ASTN2: variants seen among roughly 807,000 people sequenced by gnomAD.
ASTN2 encodes astrotactin-2.
In ASTN2, 54 loss-of-function variants were observed where a neutral mutation model predicts 139.8. That is an observed-to-expected ratio of 0.39 (90% confidence interval 0.31 to 0.48). The LOEUF (loss-of-function observed/expected upper bound fraction) is 0.48. Among genes scored for constraint, ASTN2 ranks in the 20% least tolerant of loss-of-function variants. ASTN2 has a pLI of 0.95. For synonymous variants in ASTN2, 756 were observed against 719.5 expected (o/e 1.05, Z -0.81); for missense variants, 1,565 against 1,725.1 (o/e 0.91, Z 1.64).
intron 10 of ASTN2, among the ~76,000 whole-genome samples, chr9:116,877,859 A>G (rs998937323): frequency 1.3e-5 from 2 of 152,236 alleles, no homozygotes; most frequent in African/African-American, 4.8e-5. Flanking sequence ...ACACATTTAC[A>G]AGAAAAGAAC....
At chr9:116,978,967 T>C in intron 7 of ASTN2, among the ~76,000 whole-genome samples, 1 of 152,258 alleles carries the variant, frequency 6.6e-6, no homozygotes, top group Middle Eastern at 3.2e-3. Flanking sequence ...ACACGGGTTC[T>C]ACAACTATCA....
At chr9:117,042,641 A>G (rs1838612876) in intron 5 of ASTN2, among the ~76,000 whole-genome samples, 2 of 151,804 alleles carry the variant, frequency 1.3e-5, no homozygotes, top group Non-Finnish European at 2.9e-5. Context: ...TAATATTTAT[A>G]AATATAAATA....
chr9:117,089,676 C>T (rs2132741216), intron 5 of ASTN2, among the ~76,000 whole-genome samples: 1 of 150,708 alleles, frequency 6.6e-6, no homozygotes, highest in East Asian at 2.0e-4. Context: ...ATCCCTCGCC[C>T]CCCTCCCACC....
rs149130859 is a variant in ASTN2 at position 116,816,763 on chromosome 9, G to A, written c.2207+3854C>T. 3.3e-5 allele frequency among the ~76,000 whole-genome samples: 5 copies of A among 152,200 alleles called. No homozygotes were observed. In the East Asian group the frequency reaches 9.7e-4, roughly 30 times the overall value. ...CCCCAGAGAAAGGATGATTTACTCT[G>A]TTTTGGAGAACGTAAACTGATGAGA... On this transcript the variant is annotated intron_variant, in intron 12 of 22. Transcript: ENST00000313400.
chr9:116,942,331 C>T lies in ASTN2; in HGVS notation c.1889+32877G>A, dbSNP rs371710297. On this transcript the variant is annotated intron_variant, in intron 10 of 22. Transcript: ENST00000313400. Reference sequence around the variant, plus strand: ...TCACCATTCTGATCTCCCAGCAAGACGTGGCCCTCTTCTCTGATCTATCTC... The same window carrying T: ...TCACCATTCTGATCTCCCAGCAAGATGTGGCCCTCTTCTCTGATCTATCTC... 7.4e-4 allele frequency among the ~76,000 whole-genome samples: 112 copies of T among 152,292 alleles called. 3 individuals carry two copies. In the South Asian group the frequency reaches 0.016, roughly 22 times the overall value.
chr9:116,452,687 T>A (rs1484106106), intron 20 of ASTN2, among the ~76,000 whole-genome samples: 1 of 152,212 alleles, frequency 6.6e-6, no homozygotes, highest in Non-Finnish European at 1.5e-5. Context: ...GATATAGTAG[T>A]AGTTTAGCCA....
chr9:117,174,178 A>G (rs188827843), intron 3 of ASTN2, among the ~76,000 whole-genome samples: 105 of 151,884 alleles, frequency 6.9e-4, no homozygotes, highest in African/African-American at 2.5e-3. Flanking sequence ...TAGATTAGAT[A>G]GACACACAAC....
chr9:116,632,074 A>G (rs1485687445), intron 17 of ASTN2, among the ~76,000 whole-genome samples: 1 of 149,304 alleles, frequency 6.7e-6, no homozygotes, highest in Non-Finnish European at 1.5e-5. Flanking sequence ...AGATTGTGCC[A>G]CTGCCCTCCA....
chr9:117,180,816 A>T, intron 3 of ASTN2: 2 of 1,541,860 alleles, frequency 1.3e-6, no homozygotes, highest in Non-Finnish European at 1.8e-6. Context: ...ATTCATCAAC[A>T]TTGAACTTGG....
intron 5 of ASTN2, among the ~76,000 whole-genome samples, chr9:117,078,007 C>G (rs773866794): frequency 1.4e-4 from 22 of 152,212 alleles, no homozygotes; most frequent in Non-Finnish European, 3.1e-4. Context: ...ATGCACCCTT[C>G]AAGTCCCAGC....
Position 116,711,782 on chromosome 9 carries a change from A to G in ASTN2, c.2806+13989T>C, listed in dbSNP as rs113402222. 4.9e-3 allele frequency among the ~76,000 whole-genome samples: 742 copies of G among 152,188 alleles called. 5 individuals are homozygous for G. The highest frequency in any genetic ancestry group is 0.017 in the African/African-American group (718 of 41,518). On this transcript the variant is annotated intron_variant, in intron 16 of 22. Coordinates refer to ENST00000313400, the MANE Select transcript of ASTN2 (RefSeq NM_001365068.1). ...AAGTTCTCATCATTCTAGCCACTTAATATTTTTCACATACATTAATTTTTT... is the reference window on the plus strand; with the variant it reads ...AAGTTCTCATCATTCTAGCCACTTAGTATTTTTCACATACATTAATTTTTT...
intron 12 of ASTN2, 49 bp downstream of exon 12, chr9:116,820,568 C>A: frequency 6.3e-7 from 1 of 1,582,460 alleles, no homozygotes; most frequent in Non-Finnish European, 8.6e-7. Context: ...TCCCATGCAT[C>A]CCTCACTTCT....
intron 20 of ASTN2, among the ~76,000 whole-genome samples, chr9:116,477,432 C>G (rs758791032): frequency 6.6e-6 from 1 of 151,946 alleles, no homozygotes; most frequent in Non-Finnish European, 1.5e-5. Context: ...ACATTCCACT[C>G]GAGTTTGGGG....
chr9:117,405,768 A>G (rs1242815560), intron 1 of ASTN2, among the ~76,000 whole-genome samples: 1 of 152,164 alleles, frequency 6.6e-6, no homozygotes, highest in African/African-American at 2.4e-5. Flanking sequence ...TGAAACTTGT[A>G]TTGTCTCTTC....
intron 6 of ASTN2, among the ~76,000 whole-genome samples, chr9:117,016,624 C>CTATCTATA (rs1415584557): frequency 5.0e-5 from 1 of 20,016 alleles, no homozygotes; most frequent in African/African-American, 2.3e-4. Flanking sequence ...ATCTATCTAT[C>CTATCTATA]TATATATATA....
At chr9:116,983,643 T>C (rs1483633995) in intron 7 of ASTN2, among the ~76,000 whole-genome samples, 1 of 152,254 alleles carries the variant, frequency 6.6e-6, no homozygotes, top group Non-Finnish European at 1.5e-5. Flanking sequence ...TGGTTAATTG[T>C]GGGAAGAGTA....
At chr9:116,923,216 G>A (rs1834663010) in intron 10 of ASTN2, among the ~76,000 whole-genome samples, 1 of 152,208 alleles carries the variant, frequency 6.6e-6, no homozygotes, top group South Asian at 2.1e-4. Context: ...GGCTCAGCCA[G>A]AAGTCTGGAA....
At chr9:116,502,330 GGAGA>G (rs1342005458) in intron 19 of ASTN2, among the ~76,000 whole-genome samples, 1 of 151,122 alleles carries the variant, frequency 6.6e-6, no homozygotes, top group African/African-American at 2.4e-5. Flanking sequence ...CACAGAGAGA[GGAGA>G]GAGAGAGAGA....
chr9:116,493,937 T>C (rs1174971073), intron 19 of ASTN2, among the ~76,000 whole-genome samples: 2 of 152,144 alleles, frequency 1.3e-5, no homozygotes, highest in African/African-American at 4.8e-5. Flanking sequence ...AACCTGCAGA[T>C]GCTCTTTGTC....
Sources: gnomAD v4.1 joint callset for allele counts (sites outside exome capture counted in the v4.1 genomes callset) on GRCh38, gnomAD v4.1.1 for gene constraint, MANE v1.5 for transcripts, NCBI Gene and HGNC (gene_info 2026-07-23, HGNC 2026-07-21) for gene names.